The following NCAM1 variants were observed in gnomAD, a reference collection of about 807,000 sequenced individuals.
NCAM1 encodes neural cell adhesion molecule 1.
NCAM1 carries 14 observed loss-of-function variants against 109.8 expected under a neutral mutation model. The ratio of observed to expected loss-of-function variants is 0.13; its 90% CI spans 0.08 to 0.20. The LOEUF is 0.20. NCAM1 is among the 10% of genes least tolerant of loss of function. The pLI is 1.00. For missense variants in NCAM1, 774 were observed against 1,109.9 expected (o/e 0.70, Z 4.30); for synonymous variants, 418 against 442.9 (o/e 0.94, Z 0.70).
Position 112,964,145 on chromosome 11 carries a change from T to C in NCAM1, c.52+2481T>C, listed in dbSNP as rs1294425274. ...ATATCTGAGGTTTTTTTTTTGTTTTTTTTTTTTTTGTTTTTTTTTTGGACT... is the reference window on the plus strand; with the variant it reads ...ATATCTGAGGTTTTTTTTTTGTTTTCTTTTTTTTTGTTTTTTTTTTGGACT... On this transcript the variant is annotated intron_variant, in intron 1 of 19. Transcript: ENST00000316851. Among the ~76,000 whole-genome samples, 3 of 14,966 alleles carry C rather than the reference T, an allele frequency of 2.0e-4. 1 individual carries two copies. In the South Asian group the frequency reaches 0.016, roughly 78 times the overall value. The allele number at this position is 14,966 out of a possible 152,430, so 9.8% of individuals were successfully genotyped here.
At chr11:113,183,903 A>G (rs782456503) in intron 1 of NCAM1, among the ~76,000 whole-genome samples, 3 of 152,214 alleles carry the variant, frequency 2.0e-5, no homozygotes, top group Admixed American at 6.5e-5. Flanking sequence ...AAGATTGTAT[A>G]GGAAAATGTC....
intron 1 of NCAM1, among the ~76,000 whole-genome samples, chr11:113,001,349 C>A (rs782077359): frequency 2.0e-5 from 3 of 152,058 alleles, no homozygotes; most frequent in Non-Finnish European, 4.4e-5. Context: ...GAACTGAGTT[C>A]TCCACTCAAA....
chr11:113,157,652 A>G (rs2136321664), intron 1 of NCAM1, among the ~76,000 whole-genome samples: 1 of 152,260 alleles, frequency 6.6e-6, no homozygotes, highest in South Asian at 2.1e-4. Context: ...ATAATTATGG[A>G]AAAACTGAAA....
intron 1 of NCAM1, among the ~76,000 whole-genome samples, chr11:113,193,004 G>A (rs1943731437): frequency 6.6e-6 from 1 of 152,198 alleles, no homozygotes; most frequent in African/African-American, 2.4e-5. Context: ...TGAGGCTGCA[G>A]GACATTCCTG....
At chr11:113,045,256 T>C (rs568791037) in intron 1 of NCAM1, among the ~76,000 whole-genome samples, 1 of 152,322 alleles carries the variant, frequency 6.6e-6, no homozygotes, top group East Asian at 1.9e-4. Context: ...AAACCAGCAC[T>C]GGTGGACTCC....
intron 9 of NCAM1, among the ~76,000 whole-genome samples, chr11:113,223,614 C>A (rs1177082153): frequency 6.6e-6 from 1 of 152,184 alleles, no homozygotes; most frequent in Non-Finnish European, 1.5e-5. Flanking sequence ...GTTACAACAT[C>A]TCTTCCTTAT....
intron 1 of NCAM1, among the ~76,000 whole-genome samples, chr11:113,010,088 A>T (rs547160028): frequency 7.5e-4 from 114 of 152,316 alleles, no homozygotes; most frequent in African/African-American, 2.6e-3. Flanking sequence ...CCACCTAATG[A>T]ACCAATTTCA....
intron 1 of NCAM1, among the ~76,000 whole-genome samples, chr11:112,982,176 G>A (rs527239972): frequency 6.6e-6 from 1 of 152,062 alleles, no homozygotes; most frequent in Non-Finnish European, 1.5e-5. Context: ...CTTGCACATA[G>A]GTGCAAGTTG....
At chr11:113,266,050 C>G (rs2137722594) in intron 17 of NCAM1, among the ~76,000 whole-genome samples, 1 of 152,302 alleles carries the variant, frequency 6.6e-6, no homozygotes, top group South Asian at 2.1e-4. Context: ...CCCCAGAAGC[C>G]TTCTTTGCAT....
intron 2 of NCAM1, among the ~76,000 whole-genome samples, chr11:113,203,934 T>C (rs1297427382): frequency 6.6e-6 from 1 of 152,236 alleles, no homozygotes; most frequent in Non-Finnish European, 1.5e-5. Flanking sequence ...TTCCCTTGGT[T>C]ACCCGTTGTG....
intron 1 of NCAM1, among the ~76,000 whole-genome samples, chr11:113,161,251 G>A (rs12293903): frequency 1.3e-5 from 2 of 152,088 alleles, no homozygotes; most frequent in Non-Finnish European, 2.9e-5. Context: ...TTTCTTTGTA[G>A]ATTAAAAAAA....
chr11:112,986,790 C>CT (rs1421660881), intron 1 of NCAM1, among the ~76,000 whole-genome samples: 1 of 151,750 alleles, frequency 6.6e-6, no homozygotes, highest in African/African-American at 2.4e-5. Context: ...TCTTCTCTCT[C>CT]TTTTTTTAGT....
intron 9 of NCAM1, 106 bp from the exon 10 acceptor site, chr11:113,231,539 C>A: frequency 8.4e-7 from 1 of 1,195,402 alleles, no homozygotes; most frequent in Non-Finnish European, 1.2e-6. Context: ...AGACGGGTCA[C>A]AGACAAGTGA....
At chr11:113,032,925 G>A (rs1555078546) in intron 1 of NCAM1, among the ~76,000 whole-genome samples, 1 of 152,196 alleles carries the variant, frequency 6.6e-6, no homozygotes, top group South Asian at 2.1e-4. Flanking sequence ...TAGATGCAGA[G>A]ATGTATTTTT....
intron 1 of NCAM1, among the ~76,000 whole-genome samples, chr11:113,018,559 C>A (rs965734122): frequency 2.6e-5 from 4 of 152,082 alleles, no homozygotes; most frequent in Non-Finnish European, 5.9e-5. Flanking sequence ...AACAAAATTA[C>A]CCCATAGTTC....
intron 1 of NCAM1, among the ~76,000 whole-genome samples, chr11:113,143,842 G>A (rs544504672): frequency 6.6e-6 from 1 of 152,312 alleles, no homozygotes; most frequent in Admixed American, 6.5e-5. Context: ...TTGCGGCATG[G>A]CATTGTGTGT....
At chr11:113,162,258 C>T (rs530173761) in intron 1 of NCAM1, among the ~76,000 whole-genome samples, 331 of 152,178 alleles carry the variant, frequency 2.2e-3, no homozygotes, top group Admixed American at 3.7e-3. Context: ...TTATAGCAAC[C>T]CCTTTGTCTT....
In NCAM1 at chr11:113,252,799, CTTTTTTTTTTTTTTT is replaced by C. The variant is rs33948720; in HGVS notation, c.1829-3061_1829-3047del. The stretch of plus-strand genomic sequence containing the variant: ...TACAGGCACATGCCACTATGCCCAG[CTTTTTTTTTTTTTTT>C]TTTTTTTTTTTTTTTTGGTAGAGAC... On this transcript the variant is annotated intron_variant, in intron 15 of 19. Coordinates refer to ENST00000316851, the MANE Select transcript of NCAM1 (RefSeq NM_181351.5). Among the ~76,000 whole-genome samples the C allele has an allele frequency of 6.1e-3, 243 of 39,752 alleles. 3 individuals carry two copies. Among genetic ancestry groups the C allele is most frequent in the Middle Eastern group, 0.033 (1 of 30 alleles). The allele number at this position is 39,752 out of a possible 152,430, so 26.1% of individuals were successfully genotyped here.
At chr11:113,231,467 C>A in intron 9 of NCAM1, 178 bp from the exon 10 acceptor site, 1 of 866,622 alleles carries the variant, frequency 1.2e-6, no homozygotes, top group Non-Finnish European at 1.8e-6. Context: ...TTCCCAGTGC[C>A]TCCCCCATTA....
Sources: allele counts gnomAD v4.1 joint callset (sites outside exome capture counted in the v4.1 genomes callset), GRCh38; gene constraint gnomAD v4.1.1; transcripts MANE v1.5; gene names NCBI Gene and HGNC (gene_info 2026-07-23, HGNC 2026-07-21).